Variants in FER1L6 observed in about 807,000 individuals in gnomAD.
The protein encoded by FER1L6 is fer-1 like family member 6, also known as fer-1-like protein 6.
Under a neutral mutation model 219.2 loss-of-function variants are expected in FER1L6, and 177 were observed. That is an observed-to-expected ratio of 0.81 (90% confidence interval 0.71 to 0.91). The LOEUF (loss-of-function observed/expected upper bound fraction) is 0.91. Among genes scored for constraint, FER1L6 ranks in the 40% least tolerant of loss-of-function variants. The probability of loss-of-function intolerance (pLI) is 0.00; values close to 1 mark genes in which losing one functional copy is unlikely to be tolerated. For synonymous variants in FER1L6, 768 were observed against 824.3 expected (o/e 0.93, Z 1.17); for missense variants, 2,153 against 2,259.9 (o/e 0.95, Z 0.96).
chr8:124,011,760 T>C (rs925957640), intron 14 of FER1L6, among the ~76,000 whole-genome samples: 1 of 151,998 alleles, frequency 6.6e-6, no homozygotes, highest in Non-Finnish European at 1.5e-5. Context: ...GCTGGGGTGA[T>C]AGGCATGAGC....
intron 1 of FER1L6, among the ~76,000 whole-genome samples, chr8:123,919,027 G>T (rs547960754): frequency 6.6e-6 from 1 of 152,256 alleles, no homozygotes; most frequent in African/African-American, 2.4e-5. Context: ...CCCAGGGGAG[G>T]CAGTACAATA....
chr8:123,969,529 T>TTTATAC (rs904852265), intron 5 of FER1L6, among the ~76,000 whole-genome samples: 1 of 152,076 alleles, frequency 6.6e-6, no homozygotes, highest in African/African-American at 2.4e-5. Flanking sequence ...GGGGAAAAAA[T>TTTATAC]TTATACTATC....
intron 32 of FER1L6, among the ~76,000 whole-genome samples, chr8:124,077,151 T>C (rs1229751152): frequency 3.3e-5 from 5 of 152,238 alleles, no homozygotes; most frequent in African/African-American, 1.2e-4. Context: ...TTAACCTCTC[T>C]GTTCCTAGTT....
chr8:124,026,841 G>A (rs1371114674), intron 18 of FER1L6, among the ~76,000 whole-genome samples: 1 of 151,894 alleles, frequency 6.6e-6, no homozygotes, highest in Non-Finnish European at 1.5e-5. Context: ...GATCACTAGG[G>A]CTACTGTAAC....
At chr8:123,931,286 GCTT>G (rs1813751638) in intron 1 of FER1L6, among the ~76,000 whole-genome samples, 1 of 152,154 alleles carries the variant, frequency 6.6e-6, no homozygotes, top group Admixed American at 6.5e-5. Flanking sequence ...CCCAGCCTGA[GCTT>G]CTTCCACGGA....
At chr8:124,073,382 G>A (rs1462524961) in intron 31 of FER1L6, among the ~76,000 whole-genome samples, 1 of 152,118 alleles carries the variant, frequency 6.6e-6, no homozygotes, top group Non-Finnish European at 1.5e-5. Context: ...GGCAGTCCTA[G>A]GTAAATTCAC....
chr8:123,875,624 C>T (rs1816994606), intron 1 of FER1L6, among the ~76,000 whole-genome samples: 1 of 152,212 alleles, frequency 6.6e-6, no homozygotes, highest in Non-Finnish European at 1.5e-5. Flanking sequence ...ACCAGATCAC[C>T]TTGTTCATCT....
At chr8:124,032,961 G>A (rs1819037421) in intron 18 of FER1L6, among the ~76,000 whole-genome samples, 1 of 152,182 alleles carries the variant, frequency 6.6e-6, no homozygotes, top group Non-Finnish European at 1.5e-5. Flanking sequence ...CAGATGCCCT[G>A]GCAATCCATG....
chr8:124,026,397 A>G (rs1173884005), intron 18 of FER1L6, among the ~76,000 whole-genome samples: 2 of 152,182 alleles, frequency 1.3e-5, no homozygotes, highest in African/African-American at 2.4e-5. Context: ...AAATCATGCC[A>G]TAGAGGAACA....
intron 1 of FER1L6, among the ~76,000 whole-genome samples, chr8:123,879,529 GT>G (rs1435040322): frequency 6.6e-6 from 1 of 152,102 alleles, no homozygotes; most frequent in African/African-American, 2.4e-5. Context: ...GTTTCACCAT[GT>G]TAGCCAGGAT....
chr8:124,109,657 T>C (rs915522610), intron 39 of FER1L6, among the ~76,000 whole-genome samples: 2 of 152,188 alleles, frequency 1.3e-5, no homozygotes, highest in Admixed American at 6.5e-5. Flanking sequence ...TCTATCAACA[T>C]AGTTTTTTCC....
chr8:123,929,856 T>TC (rs1403550920), intron 1 of FER1L6, among the ~76,000 whole-genome samples: 5 of 151,988 alleles, frequency 3.3e-5, no homozygotes, highest in Non-Finnish European at 7.4e-5. Context: ...AGACATGTGT[T>TC]CCCCCCTTAG....
At chr8:124,035,047 C>T (rs969709486) in intron 18 of FER1L6, among the ~76,000 whole-genome samples, 2 of 152,156 alleles carry the variant, frequency 1.3e-5, no homozygotes, top group Admixed American at 6.5e-5. Flanking sequence ...TATCACAGTG[C>T]AGGTTTAAGC....
chr8:123,951,242 C>T (rs1344709492), intron 1 of FER1L6, among the ~76,000 whole-genome samples: 1 of 152,144 alleles, frequency 6.6e-6, no homozygotes, highest in East Asian at 1.9e-4. Flanking sequence ...AATGAAATCA[C>T]ACCCTAGGGG....
intron 1 of FER1L6, among the ~76,000 whole-genome samples, chr8:123,883,126 G>T (rs1196147648): frequency 6.6e-6 from 1 of 152,204 alleles, no homozygotes; most frequent in Non-Finnish European, 1.5e-5. Context: ...TTTGAGCTGA[G>T]ATATGAATAA....
At chr8:123,925,125 A>G (rs1483360088) in intron 1 of FER1L6, among the ~76,000 whole-genome samples, 4 of 152,310 alleles carry the variant, frequency 2.6e-5, no homozygotes, top group Non-Finnish European at 4.4e-5. Context: ...TGATTTATCG[A>G]TATGTAATGG....
intron 1 of FER1L6, among the ~76,000 whole-genome samples, chr8:123,906,708 G>A (rs990362608): frequency 1.3e-5 from 2 of 151,806 alleles, no homozygotes; most frequent in Non-Finnish European, 2.9e-5. Flanking sequence ...GCTGAGGCAG[G>A]AGAATTGCTT....
At chr8:123,927,309 G>A (rs2129889422) in intron 1 of FER1L6, among the ~76,000 whole-genome samples, 1 of 152,214 alleles carries the variant, frequency 6.6e-6, no homozygotes, top group South Asian at 2.1e-4. Context: ...GATTCAGCAA[G>A]TCAGTAACAA....
chr8:123,857,455 A>T (rs1045271059), intron 1 of FER1L6, among the ~76,000 whole-genome samples: 1 of 152,218 alleles, frequency 6.6e-6, no homozygotes, highest in Non-Finnish European at 1.5e-5. Context: ...GGTTACAATG[A>T]GATATGATCA....
Sources: gnomAD v4.1 joint callset for allele counts (sites outside exome capture counted in the v4.1 genomes callset) on GRCh38, gnomAD v4.1.1 for gene constraint, MANE v1.5 for transcripts, NCBI Gene and HGNC (gene_info 2026-07-23, HGNC 2026-07-21) for gene names.